COL20A1: variants seen among roughly 807,000 people sequenced by gnomAD.
The protein encoded by COL20A1 is collagen alpha-1(XX) chain.
A neutral mutation model predicts 152.9 loss-of-function variants in COL20A1; 164 were observed. That is an observed-to-expected ratio of 1.07 (90% CI 0.94 to 1.22). The LOEUF (loss-of-function observed/expected upper bound fraction) is 1.22, where lower values mean the gene tolerates loss of function less well. Among genes scored for constraint, COL20A1 ranks in the 50% most tolerant of loss-of-function variants. The probability of loss-of-function intolerance (pLI) is 0.00; values close to 1 mark genes in which losing one functional copy is unlikely to be tolerated. For synonymous variants in COL20A1, 864 were observed against 756.0 expected, an observed-to-expected ratio of 1.14 and a Z score of -2.34; for missense variants, 1,873 against 1,744.8, an observed-to-expected ratio of 1.07 and a Z score of -1.31.
intron 25 of COL20A1, 67 bp from the exon 26 acceptor site, chr20:63,320,946 C>G (rs2068154092): frequency 8.0e-7 from 1 of 1,245,838 alleles, no homozygotes; most frequent in East Asian, 2.5e-5. Context: ...TGGCTAATCT[C>G]AGCTCTAGGG....
chr20:63,310,551 G>A, intron 11 of COL20A1, 41 bp downstream of exon 11: 2 of 1,544,212 alleles, frequency 1.3e-6, no homozygotes, highest in Non-Finnish European at 1.8e-6. Context: ...TGGGTGGGAG[G>A]CCCCACTCAC....
At chr20:63,316,481 T>C in intron 20 of COL20A1, 72 bp from the exon 21 acceptor site, 2 of 1,111,772 alleles carry the variant, frequency 1.8e-6, no homozygotes, top group Non-Finnish European at 2.4e-6. Flanking sequence ...GAGTCCCCGC[T>C]CCTGCCCCTT....
At chr20:63,320,838 C>G (rs1373608243) in intron 25 of COL20A1, among the ~76,000 whole-genome samples, 175 bp from the exon 26 acceptor site, 1 of 152,128 alleles carries the variant, frequency 6.6e-6, no homozygotes, top group Non-Finnish European at 1.5e-5. Flanking sequence ...GCTCAGTGGC[C>G]TGAGTCCTGG....
chr20:63,319,076 C>G lies in COL20A1; in HGVS notation c.2682C>G (p.Pro894=), dbSNP rs758764521. Residue 894 remains proline, a synonymous_variant, in exon 22 of 36, where the codon CCC becomes CCG. Transcript: ENST00000358894. The surrounding 1 kb of genome is among the most constrained non-coding windows in gnomAD (Gnocchi z 4.4). ...TRRVSDVYPA[P]LPPEHTIVFL... ...CCCACAGTGACGTCTACCCAGCCCC[C>G]CTACCTCCAGAGCACACCATCGTCT... The G allele has an allele frequency of 1.9e-6, 3 of 1,612,650 alleles. No homozygotes were observed. The highest frequency in any genetic ancestry group is 1.7e-6 in the Non-Finnish European group (2 of 1,179,070).
chr20:63,293,475 C>A (rs2067741822), intron 1 of COL20A1, among the ~76,000 whole-genome samples, 200 bp downstream of exon 1: 1 of 152,190 alleles, frequency 6.6e-6, no homozygotes, highest in Non-Finnish European at 1.5e-5. Context: ...CCGGGGCTGC[C>A]TGAGCTCTCA....
intron 27 of COL20A1, among the ~76,000 whole-genome samples, chr20:63,323,661 G>T (rs1391148954): frequency 6.6e-6 from 1 of 152,128 alleles, no homozygotes; most frequent in East Asian, 1.9e-4. Context: ...CTGTCCTAAG[G>T]CCCCTGTGTA....
At chr20:63,301,983 T>C (rs925326964) in intron 3 of COL20A1, among the ~76,000 whole-genome samples, 13 of 152,232 alleles carry the variant, frequency 8.5e-5, no homozygotes, top group Non-Finnish European at 1.5e-4. Flanking sequence ...TTCTTGTCTT[T>C]GTTTGAACTG....
chr20:63,319,069 C>T lies in COL20A1; in HGVS notation c.2675C>T (p.Pro892Leu), dbSNP rs1298335670. Residue 892 changes from proline (P) to leucine (L), a missense_variant, in exon 22 of 36, where the codon CCA becomes CTA. Coordinates refer to ENST00000358894, the MANE Select transcript of COL20A1 (RefSeq NM_020882.4). The surrounding 1 kb of genome is among the most constrained non-coding windows in gnomAD (Gnocchi z 4.4). The stretch of plus-strand genomic sequence containing the variant: ...CCCAACCCCCACAGTGACGTCTACC[C>T]AGCCCCCCTACCTCCAGAGCACACC... ...QLTRRVSDVY[P>L]APLPPEHTIV... 1.8e-5 allele frequency: 29 copies of T among 1,612,048 alleles called. No homozygotes were observed. Among genetic ancestry groups the T allele is most frequent in the Non-Finnish European group, 2.4e-5 (28 of 1,178,652 alleles).
chr20:63,312,999 T>G (rs1179302963), intron 16 of COL20A1, 65 bp downstream of exon 16: 34 of 1,531,174 alleles, frequency 2.2e-5, no homozygotes, highest in Middle Eastern at 1.9e-4. Context: ...GAAGCCAAAG[T>G]CTAGGGCTCA....
At position 63,320,311 on chromosome 20, in the gene COL20A1, G is replaced by A; in HGVS notation, c.3096G>A (p.Gln1032=). The A allele has an allele frequency of 1.2e-6, 2 of 1,610,852 alleles. No homozygotes were observed. The highest frequency in any genetic ancestry group is 1.7e-4 in the Middle Eastern group (1 of 6,036). The change falls in exon 25 of 36, where the codon CAG becomes CAA. Residue 1032 remains glutamine (Q), a synonymous_variant. Coordinates refer to ENST00000358894, the MANE Select transcript of COL20A1 (RefSeq NM_020882.4). ...SSAAFQLQML[Q]IVCSDTWADE... is the part of the protein sequence containing the mutation. ...TGCAGTTTCAGCTCCAGATGCTGCA[G>A]ATCGTGTGCAGTGACACCTGGGCCG... is the stretch of plus-strand genomic sequence containing the variant.
chr20:63,318,224 A>G (rs1032175818), intron 21 of COL20A1, among the ~76,000 whole-genome samples: 6 of 152,080 alleles, frequency 3.9e-5, no homozygotes, highest in African/African-American at 1.4e-4. Context: ...TGCCACACCA[A>G]AAGAGGAGGG....
In COL20A1 at chr20:63,330,739, C is replaced by T. The variant is rs186542650; in HGVS notation, c.*23C>T. ...TGCCAGGACATTTTCTGCACTGCCC[C>T]GAGGAACGCTGAGCCTTCCTCCCTG... On this transcript the variant is annotated 3_prime_UTR_variant, in exon 36 of 36. Coordinates refer to ENST00000358894, the MANE Select transcript of COL20A1 (RefSeq NM_020882.4). 5.2e-5 allele frequency: 8 copies of T among 152,394 alleles called. No homozygotes were observed. In the East Asian group the frequency reaches 5.8e-4, roughly 11 times the overall value. 9.4% of individuals were successfully genotyped at this position (152,394 alleles called of 1,614,324 possible).
intron 3 of COL20A1, among the ~76,000 whole-genome samples, chr20:63,301,364 A>G (rs1408024408): frequency 1.3e-5 from 2 of 152,236 alleles, no homozygotes; most frequent in Non-Finnish European, 2.9e-5. Context: ...AATTTGGTCA[A>G]TGTTCCATGT....
At chr20:63,309,247 C>G (rs1453083768) in intron 8 of COL20A1, 86 bp from the exon 9 acceptor site, 28 of 1,125,270 alleles carry the variant, frequency 2.5e-5, no homozygotes, top group Non-Finnish European at 3.3e-5. Context: ...TTACTCCTGA[C>G]CCAGTCTCCA....
rs779525667 is a variant in COL20A1, at chr20:63,309,456, T to C, written c.1064T>C (p.Ile355Thr). ...CTGGCTGGCCTGCTCAGCCGTCTCA[T>C]CTGCCAGAGGCTCCAGGGTGGGAGC... ...GALAGLLSRL[I>T]CQRLQGGSPR... The change falls in exon 9 of 36, where the codon ATC becomes ACC. Residue 355 changes from isoleucine to threonine, a missense_variant. Ile to Thr is a moderately conservative substitution (Grantham distance 89). Transcript: ENST00000358894. 2 of 1,538,298 alleles carry C rather than the reference T, an allele frequency of 1.3e-6. No individual in the cohort carries two copies. The highest frequency in any genetic ancestry group is 1.4e-5 in the African/African-American group (1 of 72,630).
chr20:63,296,651 A>T (rs1187195435), intron 2 of COL20A1, among the ~76,000 whole-genome samples: 1 of 152,194 alleles, frequency 6.6e-6, no homozygotes, highest in Non-Finnish European at 1.5e-5. Flanking sequence ...GGGGTCCCTG[A>T]CGTTCTCAGG....
intron 7 of COL20A1, among the ~76,000 whole-genome samples, chr20:63,308,321 C>T (rs2067957305): frequency 6.6e-6 from 1 of 152,240 alleles, no homozygotes; most frequent in African/African-American, 2.4e-5. Context: ...GCTGGGTCCA[C>T]ACCCGGCCCA....
chr20:63,297,547 G>A (rs1208263449), intron 2 of COL20A1, among the ~76,000 whole-genome samples: 1 of 152,102 alleles, frequency 6.6e-6, no homozygotes, highest in Non-Finnish European at 1.5e-5. Context: ...TCATCAGTGG[G>A]GTGGTTGCTG....
chr20:63,318,362 G>A (rs1392613860), intron 21 of COL20A1, among the ~76,000 whole-genome samples: 1 of 150,402 alleles, frequency 6.6e-6, no homozygotes, highest in Non-Finnish European at 1.5e-5. Context: ...ACAGATAGGA[G>A]GCTACGGCCA....
Sources: allele counts gnomAD v4.1 joint callset (sites outside exome capture counted in the v4.1 genomes callset), GRCh38; gene constraint gnomAD v4.1.1; non-coding constraint Gnocchi (gnomAD v3.1); transcripts MANE v1.5; gene names NCBI Gene and HGNC (gene_info 2026-07-23, HGNC 2026-07-21).